The following UGT3A1 variants were observed in gnomAD, a reference collection of about 807,000 sequenced individuals.
UGT3A1 encodes UDP-glycosyltransferase 3A1.
UGT3A1 carries 40 observed loss-of-function variants against 37.6 expected under a neutral mutation model. That is an observed-to-expected ratio of 1.06 (90% CI 0.83 to 1.38). The LOEUF (loss-of-function observed/expected upper bound fraction) is 1.38. Ranked by LOEUF, UGT3A1 falls within the 40% of genes most tolerant of loss-of-function variation. The pLI, the probability that UGT3A1 is intolerant of heterozygous loss-of-function variation, is 0.00. For missense variants in UGT3A1, 642 were observed against 634.2 expected (o/e 1.01, Z -0.13); for synonymous variants, 256 against 232.3 (o/e 1.10, Z -0.93).
At chr5:35,958,491 T>C (rs1739446166) in intron 4 of UGT3A1, among the ~76,000 whole-genome samples, 1 of 152,188 alleles carries the variant, frequency 6.6e-6, no homozygotes, top group Non-Finnish European at 1.5e-5. Context: ...TGAAAACAGC[T>C]TTGTTGTTCT....
At position 35,968,015 on chromosome 5, in the gene UGT3A1, T is replaced by C; in HGVS notation, c.311+4A>G. The C allele has an allele frequency of 6.2e-7, 1 of 1,604,056 alleles. No homozygotes were observed. The highest frequency in any genetic ancestry group is 1.1e-5 in the South Asian group (1 of 90,614). On this transcript the variant is annotated splice_donor_region_variant and intron_variant, in intron 3 of 6. Transcript: ENST00000274278. ...CTTTGCTTCATAGAATGAAAAGAAGTTACCTGCCATCCAATGCTGTTTCTA... is the reference window on the plus strand; with the variant it reads ...CTTTGCTTCATAGAATGAAAAGAAGCTACCTGCCATCCAATGCTGTTTCTA...
At chr5:35,982,001 G>A (rs774440943) in intron 2 of UGT3A1, among the ~76,000 whole-genome samples, 5 of 152,254 alleles carry the variant, frequency 3.3e-5, no homozygotes, top group African/African-American at 4.8e-5. Flanking sequence ...CATTGTTTCA[G>A]AGGGTACAAG....
chr5:35,988,694 G>C, intron 1 of UGT3A1, 143 bp from the exon 2 acceptor site: 1 of 627,988 alleles, frequency 1.6e-6, no homozygotes, highest in Non-Finnish European at 2.7e-6. Context: ...GGAGATAAGC[G>C]CTTCCTGTTC....
intron 4 of UGT3A1, among the ~76,000 whole-genome samples, 192 bp downstream of exon 4, chr5:35,965,194 C>T (rs1739748764): frequency 6.6e-6 from 1 of 152,194 alleles, no homozygotes; most frequent in Admixed American, 6.5e-5. Flanking sequence ...ATCTCTATCT[C>T]AGGATCCTGC....
intron 2 of UGT3A1, among the ~76,000 whole-genome samples, chr5:35,985,876 A>G (rs1740709714): frequency 6.6e-6 from 1 of 152,192 alleles, no homozygotes; most frequent in African/African-American, 2.4e-5. Context: ...TCAAGCCAAA[A>G]AGCTTCTGCA....
chr5:35,966,752 C>T (rs1739824594), intron 3 of UGT3A1, among the ~76,000 whole-genome samples: 1 of 152,114 alleles, frequency 6.6e-6, no homozygotes, highest in Non-Finnish European at 1.5e-5. Flanking sequence ...ACCTCCTAAT[C>T]ACATGAAGAA....
intron 3 of UGT3A1, among the ~76,000 whole-genome samples, chr5:35,966,568 T>C (rs1486972058): frequency 6.6e-6 from 1 of 152,222 alleles, no homozygotes; most frequent in African/African-American, 2.4e-5. Context: ...GCTAAAGTTT[T>C]ACTGACACCT....
Position 35,955,733 on chromosome 5 carries a change from C to T in UGT3A1, c.1207G>A (p.Ala403Thr). Reference sequence around the variant, plus strand: ...CGGATAGAGACACCATAATTTTTGGCTACTACTCGGACCATGTTTCCATGC... The same window carrying T: ...CGGATAGAGACACCATAATTTTTGGTTACTACTCGGACCATGTTTCCATGC... ...DQHGNMVRVV[A>T]KNYGVSIRLN... Residue 403 changes from alanine (A) to threonine (T), a missense_variant, in exon 6 of 7, where the codon GCC (alanine) becomes ACC (threonine). Coordinates refer to ENST00000274278, the MANE Select transcript of UGT3A1 (RefSeq NM_152404.4). The T allele has an allele frequency of 1.2e-6, 2 of 1,614,168 alleles. No homozygotes were observed. Among genetic ancestry groups the T allele is most frequent in the Non-Finnish European group, 1.7e-6 (2 of 1,180,032 alleles).
At chr5:35,980,800 A>G (rs1740491785) in intron 2 of UGT3A1, among the ~76,000 whole-genome samples, 1 of 152,230 alleles carries the variant, frequency 6.6e-6, no homozygotes, top group African/African-American at 2.4e-5. Flanking sequence ...TCTTAACAAT[A>G]TGAAATTTAC....
Position 35,953,924 on chromosome 5 carries a change from G to T in UGT3A1, c.*278C>A. On this transcript the variant is annotated 3_prime_UTR_variant, in exon 7 of 7. Coordinates refer to ENST00000274278, the MANE Select transcript of UGT3A1 (RefSeq NM_152404.4). ...TCATCTAAACAAGGAGGATGAAGTT[G>T]TCAGAGTCCTGTGTCTAGGAAAAGG... 1 of 378,816 alleles carries T rather than the reference G, an allele frequency of 2.6e-6. No homozygotes were observed. The highest frequency in any genetic ancestry group is 7.2e-4 in the Middle Eastern group (1 of 1,384). 23.5% of individuals were successfully genotyped at this position (378,816 alleles called of 1,614,324 possible).
intron 2 of UGT3A1, among the ~76,000 whole-genome samples, chr5:35,986,624 G>A (rs1740738336): frequency 6.6e-6 from 1 of 152,034 alleles, no homozygotes; most frequent in Admixed American, 6.6e-5. Flanking sequence ...TTACAAAAGA[G>A]GATCTTATGA....
At chr5:35,995,775 A>G (rs1361705301), upstream of UGT3A1, among the ~76,000 whole-genome samples, 3 of 152,224 alleles carry the variant, frequency 2.0e-5, no homozygotes, top group Non-Finnish European at 1.5e-5. Context: ...ATAAAATCCA[A>G]CAATGCTGCC....
intron 1 of UGT3A1, among the ~76,000 whole-genome samples, chr5:36,000,704 T>G (rs1741204327): frequency 6.6e-6 from 1 of 152,240 alleles, no homozygotes; most frequent in Non-Finnish European, 1.5e-5. Flanking sequence ...GGAATGCCTG[T>G]GTTTATTGTA....
At chr5:35,979,450 A>C (rs1476115158) in intron 2 of UGT3A1, among the ~76,000 whole-genome samples, 1 of 152,168 alleles carries the variant, frequency 6.6e-6, no homozygotes, top group South Asian at 2.1e-4. Flanking sequence ...AAAGTTCCAC[A>C]AATCTCTAGG....
intron 2 of UGT3A1, among the ~76,000 whole-genome samples, chr5:35,996,700 A>T (rs1166617836): frequency 6.6e-6 from 1 of 152,206 alleles, no homozygotes; most frequent in African/African-American, 2.4e-5. Flanking sequence ...CAAATTAAAA[A>T]CTGTCCTGAC....
intron 1 of UGT3A1, among the ~76,000 whole-genome samples, chr5:35,990,807 C>T (rs1030183150): frequency 2.0e-5 from 3 of 152,186 alleles, no homozygotes; most frequent in Non-Finnish European, 4.4e-5. Flanking sequence ...GGGTGAGCCT[C>T]TGAAAGTCCC....
intron 4 of UGT3A1, among the ~76,000 whole-genome samples, chr5:35,958,721 T>C (rs967908519): frequency 1.3e-5 from 2 of 152,238 alleles, no homozygotes; most frequent in African/African-American, 4.8e-5. Flanking sequence ...TTCTAATCCA[T>C]TTTATTTACC....
At chr5:35,997,078 A>G (rs1580972888) in intron 2 of UGT3A1, among the ~76,000 whole-genome samples, 2 of 152,126 alleles carry the variant, frequency 1.3e-5, no homozygotes, top group Admixed American at 1.3e-4. Flanking sequence ...GGGGCTCATT[A>G]TTTCCTGCAC....
intron 2 of UGT3A1, among the ~76,000 whole-genome samples, chr5:35,975,994 T>C (rs1176191206): frequency 6.6e-6 from 1 of 152,144 alleles, no homozygotes; most frequent in Admixed American, 6.6e-5. Context: ...GGTTCAGGTA[T>C]CAAGGGGTAG....
Sources: gnomAD v4.1 joint callset for allele counts (sites outside exome capture counted in the v4.1 genomes callset) on GRCh38, gnomAD v4.1.1 for gene constraint, MANE v1.5 for transcripts, NCBI Gene and HGNC (gene_info 2026-07-23, HGNC 2026-07-21) for gene names.